The following CFDP1 variants were observed in gnomAD, a reference collection of about 807,000 sequenced individuals.
The protein encoded by CFDP1 is heterochromatin-stabilizing protein CFDP1.
A neutral mutation model predicts 40.1 loss-of-function variants in CFDP1; 31 were observed. The ratio of observed to expected loss-of-function variants is 0.77; its 90% confidence interval spans 0.58 to 1.04. The LOEUF is 1.04. CFDP1 is among the 50% of genes least tolerant of loss of function. The pLI, the probability that CFDP1 is intolerant of heterozygous loss-of-function variation, is 0.00. For missense variants in CFDP1, 423 were observed against 343.4 expected (o/e 1.23, Z -1.83); for synonymous variants, 167 against 120.0 (o/e 1.39, Z -2.56).
intron 1 of CFDP1, among the ~76,000 whole-genome samples, chr16:75,415,694 C>G (rs554801896): frequency 6.6e-6 from 1 of 152,210 alleles, no homozygotes; most frequent in Non-Finnish European, 1.5e-5. Context: ...TGCAGTGTAG[C>G]TGTAGTTTAT....
chr16:75,346,475 C>T (rs1261342992), intron 5 of CFDP1, among the ~76,000 whole-genome samples: 5 of 149,528 alleles, frequency 3.3e-5, no homozygotes, highest in African/African-American at 7.4e-5. Flanking sequence ...CCCAGCTACT[C>T]GGGAGGCTAA....
chr16:75,398,930 G>A (rs940965020), intron 4 of CFDP1, among the ~76,000 whole-genome samples: 9 of 151,944 alleles, frequency 5.9e-5, no homozygotes, highest in African/African-American at 1.9e-4. Flanking sequence ...GGTGGCGGGC[G>A]CCTGTAGTCC....
intron 5 of CFDP1, among the ~76,000 whole-genome samples, chr16:75,374,678 T>C (rs2078778658): frequency 6.6e-6 from 1 of 151,452 alleles, no homozygotes; most frequent in East Asian, 1.9e-4. Flanking sequence ...AGAAATAAAA[T>C]GGGAACCACA....
intron 5 of CFDP1, among the ~76,000 whole-genome samples, chr16:75,337,175 G>A (rs1263473641): frequency 1.3e-5 from 2 of 152,240 alleles, no homozygotes; most frequent in Non-Finnish European, 2.9e-5. Flanking sequence ...GCTCGCTGAT[G>A]CGAATGATCC....
chr16:75,376,783 G>C (rs781009855), intron 5 of CFDP1, among the ~76,000 whole-genome samples: 3 of 152,232 alleles, frequency 2.0e-5, no homozygotes, highest in Non-Finnish European at 4.4e-5. Flanking sequence ...ACACCCACCA[G>C]TGTGCTATGT....
chr16:75,305,370 T>G (rs2078250033), intron 5 of CFDP1, 188 bp from the exon 6 acceptor site: 1 of 596,028 alleles, frequency 1.7e-6, no homozygotes, highest in Non-Finnish European at 2.9e-6. Flanking sequence ...TAATGTGCTT[T>G]TCCTGCTTAA....
Position 75,327,972 on chromosome 16 carries a change from C to T in CFDP1, c.651-22790G>A, listed in dbSNP as rs1046099576. Among the ~76,000 whole-genome samples, 7 of 151,902 alleles carry T rather than the reference C, an allele frequency of 4.6e-5. No homozygotes were observed. The East Asian group carries it at 9.7e-4, about 21-fold the overall frequency. On this transcript the variant is annotated intron_variant, in intron 5 of 6. Transcript: ENST00000283882. ...CTCGAACTCCTGACCTCAGGTGATC[C>T]GCCTGCCTCGGCCTCCCAAAGTGCT...
intron 4 of CFDP1, among the ~76,000 whole-genome samples, chr16:75,402,097 T>C (rs900042710): frequency 2.0e-5 from 3 of 152,184 alleles, no homozygotes; most frequent in African/African-American, 7.2e-5. Flanking sequence ...ATATTACAGA[T>C]TACTCTTCAT....
chr16:75,430,417 C>A (rs760806060), intron 1 of CFDP1, among the ~76,000 whole-genome samples: 1 of 151,446 alleles, frequency 6.6e-6, no homozygotes, highest in African/African-American at 2.4e-5. Flanking sequence ...GCAATCCGCC[C>A]ACCACAGCCT....
intron 5 of CFDP1, among the ~76,000 whole-genome samples, chr16:75,369,460 T>C (rs2078737386): frequency 6.6e-6 from 1 of 152,088 alleles, no homozygotes; most frequent in African/African-American, 2.4e-5. Flanking sequence ...GAATTCTAGC[T>C]AGATGCAGGC....
chr16:75,347,359 AAAAAAGAAAAAG>A (rs796632491), intron 5 of CFDP1, among the ~76,000 whole-genome samples: 7 of 53,694 alleles, frequency 1.3e-4, no homozygotes, highest in East Asian at 3.8e-4. Context: ...AAAAAAAAAA[AAAAAAGAAAAAG>A]AAAAAGAAAA....
intron 5 of CFDP1, among the ~76,000 whole-genome samples, chr16:75,322,370 T>C (rs2078370736): frequency 6.6e-6 from 1 of 152,226 alleles, no homozygotes; most frequent in Non-Finnish European, 1.5e-5. Flanking sequence ...CATGTGTTGC[T>C]TATGTTCTGA....
intron 5 of CFDP1, among the ~76,000 whole-genome samples, chr16:75,346,704 T>G (rs2078568635): frequency 8.2e-6 from 1 of 121,348 alleles, no homozygotes; most frequent in South Asian, 3.0e-4. Flanking sequence ...CCAAGATAGC[T>G]CTAAAATCTT....
intron 1 of CFDP1, among the ~76,000 whole-genome samples, chr16:75,421,012 A>G (rs532066300): frequency 1.3e-5 from 2 of 152,174 alleles, no homozygotes; most frequent in Non-Finnish European, 2.9e-5. Context: ...TAAACATGTA[A>G]AAAGATGCTT....
chr16:75,329,403 G>C (rs72804156), intron 5 of CFDP1, among the ~76,000 whole-genome samples: 317 of 152,250 alleles, frequency 2.1e-3, no homozygotes, highest in Non-Finnish European at 3.9e-3. Context: ...AGTACATTCT[G>C]ACTTTTCAAA....
At chr16:75,432,930 G>A (rs967978992) in intron 1 of CFDP1, among the ~76,000 whole-genome samples, 2 of 152,308 alleles carry the variant, frequency 1.3e-5, no homozygotes, top group East Asian at 3.9e-4. Context: ...CTCGGGCCAG[G>A]GCTGAAAAAA....
chr16:75,433,248 G>A, intron 1 of CFDP1, 41 bp downstream of exon 1: 1 of 1,556,076 alleles, frequency 6.4e-7, no homozygotes, highest in South Asian at 1.2e-5. Context: ...TGAGGCGTGG[G>A]GCGGGGCAAT....
chr16:75,328,513 C>A (rs1433142388), intron 5 of CFDP1, among the ~76,000 whole-genome samples: 12 of 141,328 alleles, frequency 8.5e-5, no homozygotes, highest in Admixed American at 2.9e-4. Flanking sequence ...GCAGGAGAAT[C>A]GCTTGAACCC....
chr16:75,335,051 A>C (rs762794777), intron 5 of CFDP1, among the ~76,000 whole-genome samples: 1 of 152,158 alleles, frequency 6.6e-6, no homozygotes, highest in Non-Finnish European at 1.5e-5. Flanking sequence ...ATGTGTGTGG[A>C]AGCTGAGATA....
Sources: gnomAD v4.1 joint callset for allele counts (sites outside exome capture counted in the v4.1 genomes callset) on GRCh38, gnomAD v4.1.1 for gene constraint, MANE v1.5 for transcripts, NCBI Gene and HGNC (gene_info 2026-07-23, HGNC 2026-07-21) for gene names.